The following GADL1 variants were observed in gnomAD, a reference collection of about 807,000 sequenced individuals.
The protein encoded by GADL1 is GAD like acidic amino acid decarboxylase 1.
A neutral mutation model predicts 69.5 loss-of-function variants in GADL1; 71 were observed. That is an observed-to-expected ratio of 1.02 (90% CI 0.84 to 1.25). GADL1 has a LOEUF of 1.25. GADL1 is among the 50% of genes most tolerant of loss of function. The pLI is 0.00. For synonymous variants in GADL1, 254 were observed against 214.4 expected, an observed-to-expected ratio of 1.18 and a Z score of -1.62; for missense variants, 737 against 631.8, an observed-to-expected ratio of 1.17 and a Z score of -1.79.
chr3:30,829,138 A>G (rs1697743668), intron 11 of GADL1, among the ~76,000 whole-genome samples: 1 of 148,344 alleles, frequency 6.7e-6, no homozygotes, highest in Non-Finnish European at 1.5e-5. Flanking sequence ...CAAAACAGCC[A>G]CGCAAATCCC....
intron 13 of GADL1, among the ~76,000 whole-genome samples, chr3:30,782,831 G>A (rs1333909784): frequency 1.3e-5 from 2 of 152,170 alleles, no homozygotes; most frequent in African/African-American, 4.8e-5. Context: ...ATCAAGAGAT[G>A]GAGTGATGAA....
chr3:30,887,923 G>T (rs1305674492), intron 1 of GADL1, among the ~76,000 whole-genome samples: 2 of 152,142 alleles, frequency 1.3e-5, no homozygotes, highest in Non-Finnish European at 2.9e-5. Flanking sequence ...ACAGGGGATT[G>T]GTTTCAGGTC....
intron 14 of GADL1, among the ~76,000 whole-genome samples, chr3:30,764,124 GTTTA>G (rs1374294524): frequency 6.6e-6 from 1 of 151,328 alleles, no homozygotes; most frequent in Non-Finnish European, 1.5e-5. Flanking sequence ...ATATACTTAT[GTTTA>G]TTAAATATAT....
chr3:30,777,397 A>G (rs1019473830), intron 14 of GADL1, among the ~76,000 whole-genome samples: 1 of 152,204 alleles, frequency 6.6e-6, no homozygotes, highest in Non-Finnish European at 1.5e-5. Context: ...CTAGCCCATA[A>G]GAACTTGGAC....
At chr3:30,813,345 T>C (rs1340719478) in intron 11 of GADL1, among the ~76,000 whole-genome samples, 3 of 148,784 alleles carry the variant, frequency 2.0e-5, no homozygotes, top group African/African-American at 7.7e-5. Flanking sequence ...ATTTCTTCAG[T>C]CTAGATGGAT....
intron 11 of GADL1, among the ~76,000 whole-genome samples, chr3:30,829,294 G>C (rs1057001745): frequency 6.6e-6 from 1 of 151,768 alleles, no homozygotes; most frequent in South Asian, 2.1e-4. Flanking sequence ...GCTGTGCTTT[G>C]TTCCTGAAGC....
chr3:30,848,466 TG>T (rs1425557273), intron 6 of GADL1, among the ~76,000 whole-genome samples: 1 of 152,180 alleles, frequency 6.6e-6, no homozygotes, highest in African/African-American at 2.4e-5. Flanking sequence ...TAGAAGAAAA[TG>T]ATAGATACAG....
chr3:30,835,895 C>G (rs1287545534), intron 9 of GADL1, among the ~76,000 whole-genome samples: 1 of 152,064 alleles, frequency 6.6e-6, no homozygotes, highest in Admixed American at 6.6e-5. Flanking sequence ...CAATGGACCA[C>G]GTGTGACTCA....
intron 14 of GADL1, among the ~76,000 whole-genome samples, chr3:30,777,074 CA>C (rs1696557270): frequency 6.6e-6 from 1 of 152,146 alleles, no homozygotes; most frequent in African/African-American, 2.4e-5. Context: ...TCTCTTTACT[CA>C]TTGTCTCTAG....
In GADL1 at chr3:30,728,092, T is replaced by G; in HGVS notation, c.*150A>C. 1.6e-6 allele frequency: 1 copy of G among 639,810 alleles called. No individual in the cohort carries two copies. Among genetic ancestry groups the G allele is most frequent in the Non-Finnish European group, 2.8e-6 (1 of 361,752 alleles). 39.6% of individuals were successfully genotyped at this position (639,810 alleles called of 1,614,324 possible). On this transcript the variant is annotated 3_prime_UTR_variant, in exon 15 of 15. Transcript: ENST00000282538. ...GCAGCTAGAGAGTCCTTAATATTCA[T>G]TGCTTAGCATTTTGGTTTTGCTGGG...
chr3:30,728,310 G>C lies in GADL1; in HGVS notation c.1498C>G (p.Pro500Ala), dbSNP rs761245778. 1 of 1,613,862 alleles carries C rather than the reference G, an allele frequency of 6.2e-7. No individual in the cohort carries two copies. The highest frequency in any genetic ancestry group is 8.5e-7 in the Non-Finnish European group (1 of 1,179,842). ...VNFFRQVVIS[P>A]QVSREDMDFL... Reference sequence around the variant, plus strand: ...TCCATGTCCTCCCGGCTCACTTGAGGGCTGATCACCACCTGGCGGAAGAAG... The same window carrying C: ...TCCATGTCCTCCCGGCTCACTTGAGCGCTGATCACCACCTGGCGGAAGAAG... The change falls in exon 15 of 15, where the codon CCT becomes GCT. Residue 500 changes from proline to alanine, a missense_variant. Pro to Ala is a conservative substitution (Grantham distance 27, BLOSUM62 -1). Transcript: ENST00000282538.
intron 13 of GADL1, among the ~76,000 whole-genome samples, chr3:30,782,935 T>TCTTG (rs1301526656): frequency 1.3e-5 from 2 of 152,168 alleles, no homozygotes; most frequent in East Asian, 1.9e-4. Context: ...TATAGTTTTA[T>TCTTG]TAGATTACAA....
chr3:30,750,112 T>C (rs1437441246), intron 14 of GADL1, among the ~76,000 whole-genome samples: 5 of 152,152 alleles, frequency 3.3e-5, no homozygotes, highest in Non-Finnish European at 7.3e-5. Flanking sequence ...TTCATCAAAG[T>C]AAATTAGAAA....
intron 1 of GADL1, among the ~76,000 whole-genome samples, chr3:30,878,869 T>C (rs1698609685): frequency 6.6e-6 from 1 of 151,972 alleles, no homozygotes; most frequent in African/African-American, 2.4e-5. Flanking sequence ...ACATTTATTT[T>C]ATTTAGTCCA....
intron 1 of GADL1, among the ~76,000 whole-genome samples, chr3:30,874,380 C>T (rs557725535): frequency 8.2e-4 from 124 of 152,096 alleles, no homozygotes; most frequent in African/African-American, 2.9e-3. Flanking sequence ...CACTGCCTAA[C>T]AGATCATAGT....
chr3:30,771,440 T>A (rs934918098), intron 14 of GADL1, among the ~76,000 whole-genome samples: 2 of 152,178 alleles, frequency 1.3e-5, no homozygotes, highest in African/African-American at 4.8e-5. Context: ...AGGACATTCA[T>A]TAGTTAAGCA....
At chr3:30,743,149 C>G (rs1695651444) in intron 14 of GADL1, among the ~76,000 whole-genome samples, 1 of 151,886 alleles carries the variant, frequency 6.6e-6, no homozygotes, top group Non-Finnish European at 1.5e-5. Context: ...CAGTTCTGAC[C>G]CAGTTTGAGA....
intron 14 of GADL1, among the ~76,000 whole-genome samples, chr3:30,772,574 T>C (rs1696440509): frequency 6.6e-6 from 1 of 152,112 alleles, no homozygotes. Context: ...AGGAAGTTAC[T>C]TTAGAAAGCA....
At chr3:30,832,686 G>A (rs1187581703) in intron 11 of GADL1, among the ~76,000 whole-genome samples, 2 of 151,992 alleles carry the variant, frequency 1.3e-5, no homozygotes, top group African/African-American at 4.8e-5. Flanking sequence ...TCCTAAATGT[G>A]TACCTATGGG....
Sources: gnomAD v4.1 joint callset for allele counts (sites outside exome capture counted in the v4.1 genomes callset) on GRCh38, gnomAD v4.1.1 for gene constraint, MANE v1.5 for transcripts, NCBI Gene and HGNC (gene_info 2026-07-23, HGNC 2026-07-21) for gene names.